The following ZCCHC17 variants were observed in gnomAD, a reference collection of about 807,000 sequenced individuals.
ZCCHC17 encodes the protein zinc finger CCHC-type containing 17, also known as zinc finger CCHC domain-containing protein 17.
A neutral mutation model predicts 30.6 loss-of-function variants in ZCCHC17; 18 were observed. That is an observed-to-expected ratio of 0.59 (90% CI 0.41 to 0.87). The LOEUF is 0.87. ZCCHC17 is among the 40% of genes least tolerant of loss of function. ZCCHC17 has a pLI of 0.00. For missense variants in ZCCHC17, 263 were observed against 284.2 expected, an observed-to-expected ratio of 0.93 and a Z score of 0.54; for synonymous variants, 88 against 92.4, an observed-to-expected ratio of 0.95 and a Z score of 0.27.
intron 2 of ZCCHC17, among the ~76,000 whole-genome samples, chr1:31,314,234 A>G (rs1411643277): frequency 6.6e-6 from 1 of 152,136 alleles, no homozygotes; most frequent in Non-Finnish European, 1.5e-5. Flanking sequence ...TCAAGGATGG[A>G]TGGTCTTTAG....
intron 7 of ZCCHC17, among the ~76,000 whole-genome samples, chr1:31,358,195 A>G (rs1472525667): frequency 4.6e-5 from 7 of 152,060 alleles, no homozygotes; most frequent in African/African-American, 1.7e-4. Context: ...TGATTAAAGA[A>G]CATTAAGGAC....
intron 1 of ZCCHC17, among the ~76,000 whole-genome samples, chr1:31,302,177 G>A (rs1456175430): frequency 6.6e-5 from 10 of 152,050 alleles, no homozygotes; most frequent in Non-Finnish European, 8.8e-5. Context: ...GCAGTGAGTC[G>A]AGATCGCACC....
At chr1:31,334,327 CTCTCTCTCTCTGTGTG>C (rs1233478623) in intron 3 of ZCCHC17, among the ~76,000 whole-genome samples, 1 of 60,754 alleles carries the variant, frequency 1.6e-5, no homozygotes, top group African/African-American at 6.9e-5. Context: ...CTCTCTCTCT[CTCTCTCTCTCTGTGTG>C]TGTGTGTGTG....
At chr1:31,320,142 G>T (rs184513117) in intron 3 of ZCCHC17, among the ~76,000 whole-genome samples, 154 of 152,148 alleles carry the variant, frequency 1.0e-3, no homozygotes, top group African/African-American at 3.6e-3. Context: ...AACTTAGACT[G>T]GTAGATTCAT....
At chr1:31,315,540 C>A (rs1354204669) in intron 2 of ZCCHC17, among the ~76,000 whole-genome samples, 1 of 151,986 alleles carries the variant, frequency 6.6e-6, no homozygotes, top group Non-Finnish European at 1.5e-5. Context: ...AGGGGAGATT[C>A]ATGTTGGTAA....
At chr1:31,318,031 A>G in intron 2 of ZCCHC17, 1 of 618,162 alleles carries the variant, frequency 1.6e-6, no homozygotes, top group Non-Finnish European at 2.6e-6. Flanking sequence ...GATGGGAATA[A>G]TAGTACCAAC....
intron 2 of ZCCHC17, among the ~76,000 whole-genome samples, chr1:31,317,086 C>T (rs1210902622): frequency 9.0e-5 from 13 of 145,094 alleles, no homozygotes; most frequent in South Asian, 4.3e-4. Flanking sequence ...AGTACAATGG[C>T]GCCATCTTGG....
chr1:31,346,871 T>C (rs1639294276), intron 6 of ZCCHC17, 131 bp downstream of exon 6: 3 of 1,514,592 alleles, frequency 2.0e-6, no homozygotes, highest in African/African-American at 1.4e-5. Context: ...TGCTGTTTTT[T>C]CCACCAGACT....
chr1:31,345,237 A>G (rs1316817082), intron 5 of ZCCHC17, among the ~76,000 whole-genome samples: 1 of 151,680 alleles, frequency 6.6e-6, no homozygotes, highest in Non-Finnish European at 1.5e-5. Context: ...GCTCACTGCA[A>G]GCTCTGCTTC....
At chr1:31,302,651 G>A (rs544612531) in intron 1 of ZCCHC17, among the ~76,000 whole-genome samples, 1 of 152,078 alleles carries the variant, frequency 6.6e-6, no homozygotes, top group Non-Finnish European at 1.5e-5. Flanking sequence ...AAAGGAGAAA[G>A]GTTTAATTGA....
chr1:31,317,024 C>CTTTTTTTTTTT (rs1196920105), intron 2 of ZCCHC17, among the ~76,000 whole-genome samples: 1 of 126,544 alleles, frequency 7.9e-6, no homozygotes. Context: ...AACTTTTTTT[C>CTTTTTTTTTTT]TTTTTTTTTT....
intron 5 of ZCCHC17, 156 bp from the exon 6 acceptor site, chr1:31,346,484 A>G: frequency 1.4e-6 from 1 of 707,336 alleles, no homozygotes; most frequent in Non-Finnish European, 2.2e-6. Flanking sequence ...GCTATTTCAC[A>G]TCATTGCATT....
rs761504763 is a variant in ZCCHC17, at chr1:31,346,758, CCCTTTCCACGTTTCTCT to C, written c.418+23_418+39del. 3.2e-5 allele frequency: 52 copies of C among 1,614,060 alleles called. No individual in the cohort carries two copies. The African/African-American group carries it at 5.9e-4, about 18-fold the overall frequency. On this transcript the variant is annotated intron_variant, in intron 6 of 7. Coordinates refer to ENST00000344147, the MANE Select transcript of ZCCHC17 (RefSeq NM_016505.4). ...CTGTAAAGGTAGGGTGAAGCCTCTGCCCTTTCCACGTTTCTCTCCTTGTGGATGGACCCTTTTCTGGA... is the reference window on the plus strand; with the variant it reads ...CTGTAAAGGTAGGGTGAAGCCTCTGCCCTTGTGGATGGACCCTTTTCTGGA...
At chr1:31,337,346 T>C (rs1039535278) in intron 4 of ZCCHC17, 71 bp downstream of exon 4, 2 of 1,328,374 alleles carry the variant, frequency 1.5e-6, no homozygotes, top group Admixed American at 3.7e-5. Flanking sequence ...TATTTTATGA[T>C]AGTGAGTGTG....
intron 1 of ZCCHC17, among the ~76,000 whole-genome samples, chr1:31,309,187 CTG>C (rs1353095950): frequency 1.3e-5 from 2 of 152,140 alleles, no homozygotes; most frequent in African/African-American, 2.4e-5. Context: ...AGAATGGACT[CTG>C]GAGTCAGCCA....
chr1:31,350,279 C>T (rs1164510660), intron 7 of ZCCHC17, among the ~76,000 whole-genome samples: 2 of 152,140 alleles, frequency 1.3e-5, no homozygotes, highest in Non-Finnish European at 2.9e-5. Context: ...GGCATTGTAA[C>T]TCTAGGAATA....
chr1:31,328,831 C>G (rs1426998826), intron 3 of ZCCHC17, among the ~76,000 whole-genome samples: 1 of 152,142 alleles, frequency 6.6e-6, no homozygotes, highest in Non-Finnish European at 1.5e-5. Context: ...CAACCCTCCT[C>G]TTTCTTCCTA....
chr1:31,321,998 G>A (rs1246537911), intron 3 of ZCCHC17, among the ~76,000 whole-genome samples: 1 of 152,218 alleles, frequency 6.6e-6, no homozygotes, highest in African/African-American at 2.4e-5. Flanking sequence ...GACCTGTTCT[G>A]TATCTTAACT....
In ZCCHC17 at chr1:31,352,768, T is replaced by C. The variant is rs554561179; in HGVS notation, c.564+3794T>C. 5.9e-5 allele frequency among the ~76,000 whole-genome samples: 9 copies of C among 152,290 alleles called. No individual in the cohort carries two copies. In the East Asian group the frequency reaches 1.3e-3, roughly 23 times the overall value. ...AGCCCCATTTTATGTATATACCACA[T>C]TTTGCTTATCCATTTATTTTTGGTG... On this transcript the variant is annotated intron_variant, in intron 7 of 7. Transcript: ENST00000344147.
Sources: allele counts gnomAD v4.1 joint callset (sites outside exome capture counted in the v4.1 genomes callset), GRCh38; gene constraint gnomAD v4.1.1; transcripts MANE v1.5; gene names NCBI Gene and HGNC (gene_info 2026-07-23, HGNC 2026-07-21).